ICA1: variants seen among roughly 807,000 people sequenced by gnomAD.
ICA1 encodes 69 kDa islet cell autoantigen.
Under a neutral mutation model 71.0 loss-of-function variants are expected in ICA1, and 40 were observed. The ratio of observed to expected loss-of-function variants is 0.56; its 90% CI spans 0.44 to 0.73. The LOEUF (loss-of-function observed/expected upper bound fraction) is 0.73. Among genes scored for constraint, ICA1 ranks in the 30% least tolerant of loss-of-function variants. The pLI is 0.00. For missense variants in ICA1, 578 were observed against 576.5 expected (o/e 1.00, Z -0.03); for synonymous variants, 207 against 209.5 (o/e 0.99, Z 0.10).
At chr7:8,206,009 C>T (rs10440983) in intron 6 of ICA1, among the ~76,000 whole-genome samples, 16 of 152,108 alleles carry the variant, frequency 1.1e-4, no homozygotes, top group African/African-American at 3.6e-4. Context: ...CTCTCTCCCC[C>T]TCCCCCTTCG....
rs981126304 is a variant in ICA1 at position 8,241,626 on chromosome 7, G to C, written c.-79-5621C>G. Among the ~76,000 whole-genome samples, 7 of 152,134 alleles carry C rather than the reference G, an allele frequency of 4.6e-5. No individual in the cohort carries two copies. In the South Asian group the frequency reaches 1.2e-3, roughly 27 times the overall value. ...TTAAAAGACACAGACTGGCAAATTG[G>C]ATAAAGAGTCAAGACCCATCAGTGT... On this transcript the variant is annotated intron_variant, in intron 1 of 13. Transcript: ENST00000402384.
chr7:8,140,731 G>A (rs1337056510), intron 10 of ICA1, among the ~76,000 whole-genome samples: 1 of 152,246 alleles, frequency 6.6e-6, no homozygotes, highest in Non-Finnish European at 1.5e-5. Context: ...GTGTACATGT[G>A]TGAATGGATG....
At chr7:8,140,700 C>T (rs113866312) in intron 10 of ICA1, among the ~76,000 whole-genome samples, 74 of 152,302 alleles carry the variant, frequency 4.9e-4, no homozygotes, top group African/African-American at 1.7e-3. Context: ...TGAACAAGTG[C>T]ATGAGTACTT....
intron 8 of ICA1, among the ~76,000 whole-genome samples, chr7:8,148,288 C>T (rs191262372): frequency 1.3e-5 from 2 of 152,128 alleles, no homozygotes; most frequent in South Asian, 2.1e-4. Flanking sequence ...TGGTGGCAGG[C>T]GGTGTCTTAG....
intron 6 of ICA1, among the ~76,000 whole-genome samples, chr7:8,213,445 CACTGA>C (rs1350624846): frequency 6.6e-6 from 1 of 152,186 alleles, no homozygotes; most frequent in African/African-American, 2.4e-5. Flanking sequence ...CTACCTTAGA[CACTGA>C]AGTAAAGCAG....
intron 6 of ICA1, among the ~76,000 whole-genome samples, chr7:8,199,503 G>C (rs1186755563): frequency 6.6e-6 from 1 of 152,200 alleles, no homozygotes; most frequent in Non-Finnish European, 1.5e-5. Flanking sequence ...TTGAGGTCAG[G>C]AGTTTGAGAC....
intron 4 of ICA1, among the ~76,000 whole-genome samples, chr7:8,225,715 A>G (rs898657740): frequency 2.0e-5 from 3 of 152,194 alleles, no homozygotes; most frequent in African/African-American, 4.8e-5. Flanking sequence ...GATATTAAAA[A>G]CAATGGCTTC....
rs565956352 is a variant in ICA1, at chr7:8,175,718, C to T, written c.580-17066G>A. Among the ~76,000 whole-genome samples the T allele has an allele frequency of 7.9e-5, 12 of 152,096 alleles. No homozygotes were observed. The South Asian group carries it at 8.3e-4, about 11-fold the overall frequency. On this transcript the variant is annotated intron_variant, in intron 6 of 13. Transcript: ENST00000402384. ...TTCTGATAACAAAACAAAAATCAAA[C>T]GGGGATTATGGGTTCAAAAGCCACC... is the stretch of plus-strand genomic sequence containing the variant.
intron 6 of ICA1, among the ~76,000 whole-genome samples, chr7:8,211,885 G>A (rs1793907998): frequency 6.6e-6 from 1 of 152,124 alleles, no homozygotes; most frequent in Non-Finnish European, 1.5e-5. Context: ...AAAGGAGCCA[G>A]ACCACTTATA....
chr7:8,138,721 A>C lies in ICA1; in HGVS notation c.1060+119T>G, dbSNP rs1794206572. ...GTCATTTATAAAGACTGTCACCCAA[A>C]AAACTTTCCTTTGGAATGCAAAGCT... On this transcript the variant is annotated intron_variant, in intron 12 of 13. Transcript: ENST00000402384. 3.6e-6 allele frequency: 3 copies of C among 836,856 alleles called. No individual in the cohort carries two copies. In the Admixed American group the frequency reaches 6.8e-5, roughly 19 times the overall value. The allele number at this position is 836,856 out of a possible 1,614,324, so 51.8% of individuals were successfully genotyped here. A position where few individuals can be genotyped will look rare whatever the true frequency, so the allele number is the denominator to read the frequency against.
intron 8 of ICA1, among the ~76,000 whole-genome samples, chr7:8,154,481 G>A (rs1488099875): frequency 6.6e-6 from 1 of 152,142 alleles, no homozygotes; most frequent in Non-Finnish European, 1.5e-5. Context: ...ACACCCTGAA[G>A]CAAAGAAAAC....
At chr7:8,156,901 A>G in intron 8 of ICA1, 2 of 1,522,616 alleles carry the variant, frequency 1.3e-6, no homozygotes, top group Non-Finnish European at 1.8e-6. Context: ...ATTGCAGTAG[A>G]TTCTCATTGT....
At chr7:8,162,891 G>A (rs1021927448) in intron 6 of ICA1, among the ~76,000 whole-genome samples, 1 of 152,176 alleles carries the variant, frequency 6.6e-6, no homozygotes, top group African/African-American at 2.4e-5. Flanking sequence ...GGCCTCCCTA[G>A]TAGCTGGGAT....
rs1199337261 is a variant in ICA1, at chr7:8,118,902, C to A, written c.1331-4858G>T. On this transcript the variant is annotated intron_variant, in intron 13 of 13. Transcript: ENST00000402384. The stretch of plus-strand genomic sequence containing the variant: ...CCTATGTGCTGGTTAGAAATTCAAG[C>A]TCACGAGCCAATGCTGACCTACTGA... Among the ~76,000 whole-genome samples the A allele has an allele frequency of 7.9e-5, 12 of 152,316 alleles. 1 individual carries two copies. In the East Asian group the frequency reaches 1.9e-3, roughly 24 times the overall value.
At chr7:8,239,893 G>C (rs942155795) in intron 1 of ICA1, among the ~76,000 whole-genome samples, 1 of 152,262 alleles carries the variant, frequency 6.6e-6, no homozygotes, top group Non-Finnish European at 1.5e-5. Flanking sequence ...AAAGCGGCCA[G>C]GGAAGCTTGA....
chr7:8,161,438 T>C (rs769801266), intron 6 of ICA1, among the ~76,000 whole-genome samples: 1 of 152,218 alleles, frequency 6.6e-6, no homozygotes, highest in Non-Finnish European at 1.5e-5. Flanking sequence ...CCCTGTATTC[T>C]CATTCTTTGC....
intron 6 of ICA1, among the ~76,000 whole-genome samples, chr7:8,201,649 G>C (rs982300480): frequency 1.3e-5 from 2 of 152,196 alleles, no homozygotes; most frequent in African/African-American, 4.8e-5. Context: ...GCCGAGTTTA[G>C]CTCCCAGGTT....
chr7:8,237,296 G>A (rs530503444), intron 1 of ICA1, among the ~76,000 whole-genome samples: 1 of 152,244 alleles, frequency 6.6e-6, no homozygotes, highest in African/African-American at 2.4e-5. Context: ...CAGCTTCACT[G>A]TAAGTACACA....
At chr7:8,149,791 A>G (rs1434694570) in intron 8 of ICA1, among the ~76,000 whole-genome samples, 1 of 152,218 alleles carries the variant, frequency 6.6e-6, no homozygotes, top group African/African-American at 2.4e-5. Flanking sequence ...AAAAAATAAA[A>G]GTGTTCAAAA....
Sources: gnomAD v4.1 joint callset for allele counts (sites outside exome capture counted in the v4.1 genomes callset) on GRCh38, gnomAD v4.1.1 for gene constraint, MANE v1.5 for transcripts, NCBI Gene and HGNC (gene_info 2026-07-23, HGNC 2026-07-21) for gene names.